Variants in PDE10A observed in about 807,000 individuals in gnomAD.
PDE10A encodes cAMP and cAMP-inhibited cGMP 3',5'-cyclic phosphodiesterase 10A.
PDE10A carries 39 observed loss-of-function variants against 97.7 expected under a neutral mutation model. The ratio of observed to expected loss-of-function variants is 0.40; its 90% CI spans 0.31 to 0.52. The LOEUF is 0.52. Among genes scored for constraint, PDE10A ranks in the 20% least tolerant of loss-of-function variants. PDE10A has a pLI of 0.56. For synonymous variants in PDE10A, 371 were observed against 376.8 expected (o/e 0.98, Z 0.18); for missense variants, 731 against 1,047.8 (o/e 0.70, Z 4.17).
At chr6:165,549,620 G>A (rs1351951898) in intron 1 of PDE10A, among the ~76,000 whole-genome samples, 1 of 152,054 alleles carries the variant, frequency 6.6e-6, no homozygotes, top group Non-Finnish European at 1.5e-5. Flanking sequence ...CACCATGCGC[G>A]GCTGCATTAT....
intron 2 of PDE10A, among the ~76,000 whole-genome samples, chr6:165,542,317 C>T (rs1401716250): frequency 2.6e-5 from 4 of 152,054 alleles, no homozygotes; most frequent in Non-Finnish European, 5.9e-5. Context: ...TCAAACAATC[C>T]AATATATTAA....
At position 165,460,836 on chromosome 6, in the gene PDE10A, C is replaced by G. The variant is rs145093512; in HGVS notation, c.1024-10474G>C. 7.9e-5 allele frequency among the ~76,000 whole-genome samples: 12 copies of G among 151,956 alleles called. No individual in the cohort carries two copies. The South Asian group carries it at 1.9e-3, about 24-fold the overall frequency. On this transcript the variant is annotated intron_variant, in intron 3 of 21. Coordinates refer to ENST00000539869, the MANE Select transcript of PDE10A (RefSeq NM_001385079.1). ...CAGAATCAACATACAATGCATGAAACGAGGTATGTCCCTGGTATGGGACTA... is the reference window on the plus strand; with the variant it reads ...CAGAATCAACATACAATGCATGAAAGGAGGTATGTCCCTGGTATGGGACTA...
intron 1 of PDE10A, among the ~76,000 whole-genome samples, chr6:165,914,575 A>C (rs1207523738): frequency 1.3e-5 from 2 of 152,192 alleles, no homozygotes; most frequent in African/African-American, 4.8e-5. Context: ...GGAGGGAAAA[A>C]TGAAAGTGTC....
intron 2 of PDE10A, among the ~76,000 whole-genome samples, chr6:165,520,387 C>A (rs778446495): frequency 1.3e-5 from 2 of 152,116 alleles, no homozygotes; most frequent in Non-Finnish European, 2.9e-5. Flanking sequence ...CCATAGAGAA[C>A]GCTCTTGACA....
At chr6:165,613,505 G>C (rs973937062) in intron 1 of PDE10A, among the ~76,000 whole-genome samples, 1 of 152,006 alleles carries the variant, frequency 6.6e-6, no homozygotes, top group Non-Finnish European at 1.5e-5. Context: ...CAGGCGTGGT[G>C]GTACGCACCT....
chr6:165,712,130 G>A (rs979540760), intron 1 of PDE10A, among the ~76,000 whole-genome samples: 7 of 152,074 alleles, frequency 4.6e-5, no homozygotes, highest in East Asian at 1.9e-4. Flanking sequence ...GGGCTCCACC[G>A]TAGTGGTGTG....
intron 1 of PDE10A, among the ~76,000 whole-genome samples, chr6:165,612,936 C>T (rs78883788): frequency 0.028 from 4,211 of 152,208 alleles, 199 homozygotes; most frequent in African/African-American, 0.097. Context: ...TTAGTGAGTC[C>T]TTTATTAAAT....
At chr6:165,464,116 G>GT (rs1778494819) in intron 3 of PDE10A, among the ~76,000 whole-genome samples, 1 of 152,150 alleles carries the variant, frequency 6.6e-6, no homozygotes, top group African/African-American at 2.4e-5. Context: ...ATTTCTTTGT[G>GT]TGTGTCTTTA....
At chr6:165,367,010 G>A (rs2128197077) in intron 18 of PDE10A, among the ~76,000 whole-genome samples, 1 of 152,196 alleles carries the variant, frequency 6.6e-6, no homozygotes, top group Non-Finnish European at 1.5e-5. Flanking sequence ...ACTGTCTAGA[G>A]TAAAATCAGT....
At chr6:165,334,037 GTAT>G (rs1461517204) in intron 21 of PDE10A, among the ~76,000 whole-genome samples, 1 of 152,192 alleles carries the variant, frequency 6.6e-6, no homozygotes, top group African/African-American at 2.4e-5. Flanking sequence ...ATATCATCAA[GTAT>G]TATTTTTCCA....
chr6:165,716,254 G>T (rs1798745304), intron 1 of PDE10A, among the ~76,000 whole-genome samples: 1 of 152,228 alleles, frequency 6.6e-6, no homozygotes, highest in South Asian at 2.1e-4. Flanking sequence ...ATTTGCTGAT[G>T]AACGCACAGT....
At chr6:165,477,176 T>A (rs537333731) in intron 3 of PDE10A, among the ~76,000 whole-genome samples, 1 of 152,284 alleles carries the variant, frequency 6.6e-6, no homozygotes, top group Admixed American at 6.5e-5. Flanking sequence ...TTGCTATGCC[T>A]CCAGGGATGT....
intron 1 of PDE10A, among the ~76,000 whole-genome samples, chr6:165,770,473 T>C (rs959912521): frequency 1.1e-4 from 16 of 152,230 alleles, no homozygotes; most frequent in African/African-American, 3.6e-4. Flanking sequence ...ATGTTCCCTA[T>C]ATACAGTCTT....
intron 1 of PDE10A, among the ~76,000 whole-genome samples, chr6:165,822,896 G>A (rs771822751): frequency 9.9e-5 from 15 of 151,778 alleles, no homozygotes; most frequent in Non-Finnish European, 2.1e-4. Flanking sequence ...GGGCAGTGGC[G>A]CGATCTCAGC....
rs1193416089 is a variant in PDE10A, at chr6:165,720,579, A to T, written c.-614-177011T>A. ...GTCTTATATCATCAAATGTCCCTTG[A>T]GGTAGGTATTTTTGAACTTCTGGTT... On this transcript the variant is annotated intron_variant, in intron 1 of 19. Transcript: ENST00000366882. Among the ~76,000 whole-genome samples the T allele has an allele frequency of 3.9e-5, 6 of 152,330 alleles. No individual in the cohort carries two copies. In the South Asian group the frequency reaches 1.2e-3, roughly 32 times the overall value.
chr6:165,412,595 G>C (rs1276214130), intron 13 of PDE10A, among the ~76,000 whole-genome samples: 2 of 152,116 alleles, frequency 1.3e-5, no homozygotes, highest in Non-Finnish European at 2.9e-5. Flanking sequence ...GAGGAGAGAG[G>C]ACGGGTACTC....
intron 10 of PDE10A, among the ~76,000 whole-genome samples, chr6:165,423,137 A>G (rs1285931269): frequency 6.6e-6 from 1 of 152,200 alleles, no homozygotes; most frequent in African/African-American, 2.4e-5. Context: ...AGTTGAACTG[A>G]GAAACAGAGA....
chr6:165,563,177 G>A (rs553560979), intron 1 of PDE10A, among the ~76,000 whole-genome samples: 16 of 148,994 alleles, frequency 1.1e-4, no homozygotes, highest in African/African-American at 4.0e-4. Flanking sequence ...AAGAGGGGAG[G>A]GGGAGGGGCA....
At chr6:165,947,822 C>T (rs1371610004) in intron 1 of PDE10A, among the ~76,000 whole-genome samples, 4 of 152,298 alleles carry the variant, frequency 2.6e-5, no homozygotes, top group Middle Eastern at 6.8e-3. Flanking sequence ...TGCTTCCTTG[C>T]TTCCTGACAC....
Sources: gnomAD v4.1 joint callset for allele counts (sites outside exome capture counted in the v4.1 genomes callset) on GRCh38, gnomAD v4.1.1 for gene constraint, MANE v1.5 for transcripts, NCBI Gene and HGNC (gene_info 2026-07-23, HGNC 2026-07-21) for gene names.